Variants in RB1 observed in about 807,000 individuals in gnomAD.
RB1 encodes the protein RB transcriptional corepressor 1.
Under a neutral mutation model 135.4 loss-of-function variants are expected in RB1, and 18 were observed. That is an observed-to-expected ratio of 0.13 (90% CI 0.09 to 0.20). The LOEUF (loss-of-function observed/expected upper bound fraction) is 0.20. Among genes scored for constraint, RB1 ranks in the 10% least tolerant of loss-of-function variants. The pLI, the probability that RB1 is intolerant of heterozygous loss-of-function variation, is 1.00. For synonymous variants in RB1, 365 were observed against 373.2 expected, an observed-to-expected ratio of 0.98 and a Z score of 0.25; for missense variants, 868 against 1,110.0, an observed-to-expected ratio of 0.78 and a Z score of 3.10.
At chr13:48,412,211 G>A (rs930156750) in intron 17 of RB1, 2 of 1,613,918 alleles carry the variant, frequency 1.2e-6, no homozygotes, top group Middle Eastern at 1.6e-4. Flanking sequence ...AAATCCTGAA[G>A]GGTAAAGTAA....
chr13:48,328,561 AT>A lies in RB1; in HGVS notation c.265-14035del, dbSNP rs1055501070. On this transcript the variant is annotated intron_variant, in intron 2 of 26. Coordinates refer to ENST00000267163, the MANE Select transcript of RB1 (RefSeq NM_000321.3). Reference sequence around the variant, plus strand: ...CTCCTCTCCCGCCTTCCCATCAGCCATTTCCCCCGCCGCATTGTTTTTTTAA... The same window carrying A: ...CTCCTCTCCCGCCTTCCCATCAGCCATTCCCCCGCCGCATTGTTTTTTTAA... 7 of 697,078 alleles carry A rather than the reference AT, an allele frequency of 1.0e-5. No homozygotes were observed. In the African/African-American group the frequency reaches 1.3e-4, roughly 12 times the overall value. 43.2% of individuals were successfully genotyped at this position (697,078 alleles called of 1,614,324 possible). A position where few individuals can be genotyped will look rare whatever the true frequency, so the allele number is the denominator to read the frequency against.
intron 17 of RB1, among the ~76,000 whole-genome samples, chr13:48,409,701 C>A (rs555488346): frequency 6.6e-6 from 1 of 151,206 alleles, no homozygotes; most frequent in African/African-American, 2.4e-5. Context: ...CTGCCTCTGC[C>A]TCCCGAGTAG....
intron 2 of RB1, chr13:48,328,524 C>T (rs1952307434): frequency 1.3e-6 from 1 of 762,288 alleles, no homozygotes; most frequent in Admixed American, 1.8e-5. Flanking sequence ...CTCATTGCGA[C>T]TTTTCCGGCT....
chr13:48,330,691 G>A (rs1283611606), intron 2 of RB1, among the ~76,000 whole-genome samples: 1 of 152,148 alleles, frequency 6.6e-6, no homozygotes, highest in Non-Finnish European at 1.5e-5. Context: ...AAAAGCCTCA[G>A]GACCTGATGG....
chr13:48,371,875 G>A (rs1952762040), intron 11 of RB1, among the ~76,000 whole-genome samples: 1 of 152,060 alleles, frequency 6.6e-6, no homozygotes, highest in Non-Finnish European at 1.5e-5. Flanking sequence ...AGACAGGCAA[G>A]TGAGCATTAC....
chr13:48,465,712 G>C lies in RB1; in HGVS notation c.2489+344G>C, dbSNP rs550709973. On this transcript the variant is annotated intron_variant, in intron 23 of 26. Coordinates refer to ENST00000267163, the MANE Select transcript of RB1 (RefSeq NM_000321.3). The stretch of plus-strand genomic sequence containing the variant: ...GCCAGTGTGTGTGCGCACCGTGTGC[G>C]AGCCGAAGCAGGGCGAGGCATTGCC... Among the ~76,000 whole-genome samples the C allele has an allele frequency of 2.6e-3, 389 of 151,574 alleles. 1 individual carries two copies. The highest frequency in any genetic ancestry group is 8.9e-3 in the African/African-American group (369 of 41,346).
At chr13:48,340,679 A>T (rs578119030) in intron 2 of RB1, 2 of 176,836 alleles carry the variant, frequency 1.1e-5, no homozygotes, top group African/African-American at 4.7e-5. Context: ...GTAAGAAATA[A>T]GCATAAAAAT....
chr13:48,438,741 T>C (rs909718305), intron 17 of RB1, among the ~76,000 whole-genome samples: 1 of 152,232 alleles, frequency 6.6e-6, no homozygotes, highest in Admixed American at 6.5e-5. Context: ...TTCTAGAGTT[T>C]GTTGTGAGAA....
intron 17 of RB1, among the ~76,000 whole-genome samples, chr13:48,393,101 A>C (rs1292462589): frequency 6.6e-6 from 1 of 152,198 alleles, no homozygotes; most frequent in Non-Finnish European, 1.5e-5. Context: ...AGTTGAAAGC[A>C]GAACTCTTCC....
chr13:48,473,921 T>A (rs1051614235), intron 24 of RB1, among the ~76,000 whole-genome samples: 1 of 150,258 alleles, frequency 6.7e-6, no homozygotes, highest in African/African-American at 2.5e-5. Context: ...AGTTGGGGGG[T>A]TCCGATAGTG....
Position 48,319,557 on chromosome 13 carries a change from G to A in RB1, c.264+12151G>A. ...CGGGCTGCCCTTGTTCTCCTGCTTG[G>A]TCGTGACCCTGGACTTGAGGCTTCT... On this transcript the variant is annotated intron_variant, in intron 2 of 26. Coordinates refer to ENST00000267163, the MANE Select transcript of RB1 (RefSeq NM_000321.3). The surrounding 1 kb of genome is among the most constrained non-coding windows in gnomAD (Gnocchi z 5.0). 1 of 260,692 alleles carries A rather than the reference G, an allele frequency of 3.8e-6. No individual in the cohort carries two copies. The highest frequency in any genetic ancestry group is 1.1e-4 in the East Asian group (1 of 9,352). 16.1% of individuals were successfully genotyped at this position (260,692 alleles called of 1,614,324 possible). A position where few individuals can be genotyped will look rare whatever the true frequency, so the allele number is the denominator to read the frequency against.
rs144668210 is a variant in RB1, at chr13:48,476,750, G to A, written c.2570G>A (p.Arg857His). ...AATCAGATGGTATGTAACAGCGACC[G>A]TGTGCTCAAAAGAAGTGCTGAAGGA... ...KINQMVCNSDRVLKRSAEGSN... is the reference protein window; with the variant it reads ...KINQMVCNSDHVLKRSAEGSN... Residue 857 changes from arginine (R) to histidine (H), a missense_variant, in exon 25 of 27, where the codon CGT becomes CAT. Coordinates refer to ENST00000267163, the MANE Select transcript of RB1 (RefSeq NM_000321.3). The A allele has an allele frequency of 5.8e-5, 94 of 1,613,384 alleles. No individual in the cohort carries two copies. Among genetic ancestry groups the A allele is most frequent in the African/African-American group, 4.1e-4 (31 of 74,996 alleles).
chr13:48,338,130 C>G (rs1952402140), intron 2 of RB1, among the ~76,000 whole-genome samples: 1 of 152,178 alleles, frequency 6.6e-6, no homozygotes, highest in Non-Finnish European at 1.5e-5. Flanking sequence ...TTCATTTCAA[C>G]TTTGGTGAAT....
intron 17 of RB1, among the ~76,000 whole-genome samples, chr13:48,415,362 C>A (rs1057412125): frequency 1.3e-5 from 2 of 151,922 alleles, no homozygotes; most frequent in South Asian, 2.1e-4. Flanking sequence ...TTACTGCAAC[C>A]TCTGCCTCCC....
At chr13:48,434,885 T>G (rs1232708934) in intron 17 of RB1, among the ~76,000 whole-genome samples, 4 of 152,264 alleles carry the variant, frequency 2.6e-5, no homozygotes, top group Non-Finnish European at 4.4e-5. Flanking sequence ...CGATATTGCA[T>G]GTATCAATAG....
intron 17 of RB1, among the ~76,000 whole-genome samples, chr13:48,423,254 G>C (rs1474846729): frequency 1.3e-5 from 2 of 152,022 alleles, no homozygotes; most frequent in African/African-American, 4.8e-5. Flanking sequence ...TTAAGCTGCT[G>C]GGTTGGGTTT....
chr13:48,369,001 C>T (rs180990578), intron 11 of RB1, among the ~76,000 whole-genome samples: 337 of 151,238 alleles, frequency 2.2e-3, no homozygotes, highest in African/African-American at 7.9e-3. Flanking sequence ...AGCGAAACTC[C>T]GTCTCAAAAA....
At chr13:48,407,757 A>C (rs1948752939) in intron 17 of RB1, among the ~76,000 whole-genome samples, 1 of 152,168 alleles carries the variant, frequency 6.6e-6, no homozygotes, top group African/African-American at 2.4e-5. Context: ...AAAGCCCCAA[A>C]AAGCTTTTTA....
At chr13:48,464,838 T>C (rs931656444) in intron 21 of RB1, among the ~76,000 whole-genome samples, 160 bp from the exon 22 acceptor site, 13 of 152,142 alleles carry the variant, frequency 8.5e-5, no homozygotes, top group Admixed American at 7.9e-4. Flanking sequence ...AGTAATTTTA[T>C]TTATTTATTA....
Sources: allele counts gnomAD v4.1 joint callset (sites outside exome capture counted in the v4.1 genomes callset), GRCh38; gene constraint gnomAD v4.1.1; non-coding constraint Gnocchi (gnomAD v3.1); transcripts MANE v1.5; gene names NCBI Gene and HGNC (gene_info 2026-07-23, HGNC 2026-07-21).